Variants in CCDC126 observed in about 807,000 individuals in gnomAD.
CCDC126 encodes the protein coiled-coil domain containing 126, also known as coiled-coil domain-containing protein 126.
CCDC126 carries 5 observed loss-of-function variants against 11.7 expected under a neutral mutation model. The observed-to-expected ratio is 0.43, with a 90% CI of 0.22 to 0.90. The LOEUF (loss-of-function observed/expected upper bound fraction) is 0.90, where lower values mean the gene tolerates loss of function less well. Ranked by LOEUF, CCDC126 falls within the 40% of genes least tolerant of loss-of-function variation. The pLI is 0.27. For synonymous variants in CCDC126, 60 were observed against 61.9 expected (o/e 0.97, Z 0.14); for missense variants, 150 against 163.1 (o/e 0.92, Z 0.44).
chr7:23,623,829 T>A (rs1782968851), intron 3 of CCDC126, among the ~76,000 whole-genome samples: 1 of 152,198 alleles, frequency 6.6e-6, no homozygotes. Context: ...TGACATCACT[T>A]CGTAACCCAT....
rs936479439 is a variant in CCDC126 at position 23,644,321 on chromosome 7, T to G, written c.*1206T>G. 2.6e-5 allele frequency: 4 copies of G among 152,500 alleles called. No homozygotes were observed. The highest frequency in any genetic ancestry group is 5.9e-5 in the Non-Finnish European group (4 of 67,926). 9.4% of individuals were successfully genotyped at this position (152,500 alleles called of 1,614,324 possible). On this transcript the variant is annotated 3_prime_UTR_variant, in exon 4 of 4. Coordinates refer to ENST00000307471, the MANE Select transcript of CCDC126 (RefSeq NM_138771.4). ...AAACAAATTATACTTTTATTTAAAT[T>G]TCCCTTGTAGCAAATCTAATTGCCA... is the stretch of plus-strand genomic sequence containing the variant.
intron 3 of CCDC126, among the ~76,000 whole-genome samples, chr7:23,617,361 A>G (rs1245032944): frequency 1.3e-5 from 2 of 151,258 alleles, no homozygotes; most frequent in Non-Finnish European, 1.5e-5. Flanking sequence ...AAAAAAAAAA[A>G]AAAAAAAAAA....
intron 3 of CCDC126, chr7:23,619,418 G>C (rs1782851812): frequency 2.4e-6 from 1 of 422,416 alleles, no homozygotes. Flanking sequence ...GAAAAGGATA[G>C]ATTAAAACCT....
chr7:23,622,108 G>A (rs1226690715), intron 3 of CCDC126, among the ~76,000 whole-genome samples: 1 of 152,168 alleles, frequency 6.6e-6, no homozygotes, highest in Non-Finnish European at 1.5e-5. Flanking sequence ...AATGAATTAG[G>A]GAGGATTCCC....
chr7:23,612,533 C>T (rs1157751509), intron 3 of CCDC126, among the ~76,000 whole-genome samples: 4 of 143,106 alleles, frequency 2.8e-5, no homozygotes, highest in African/African-American at 7.8e-5. Context: ...ATTAGCCAGG[C>T]ATGGTGATAC....
chr7:23,610,094 A>T (rs1489875895), intron 2 of CCDC126, among the ~76,000 whole-genome samples: 1 of 152,194 alleles, frequency 6.6e-6, no homozygotes, highest in Non-Finnish European at 1.5e-5. Context: ...CTGTGTTTTA[A>T]AAACTTGAAG....
chr7:23,637,143 G>A (rs1783244440), intron 3 of CCDC126, among the ~76,000 whole-genome samples: 3 of 67,408 alleles, frequency 4.5e-5, no homozygotes, highest in Non-Finnish European at 6.0e-5. Context: ...CTGCCCGGCC[G>A]CCCCTACTGG....
intron 2 of CCDC126, among the ~76,000 whole-genome samples, chr7:23,605,209 C>T (rs1258737746): frequency 1.3e-5 from 2 of 152,032 alleles, no homozygotes; most frequent in Non-Finnish European, 2.9e-5. Flanking sequence ...TGTGTTTTCC[C>T]TAGCATGGGT....
intron 3 of CCDC126, among the ~76,000 whole-genome samples, chr7:23,616,073 A>G (rs1663416248): frequency 6.6e-6 from 1 of 152,226 alleles, no homozygotes; most frequent in Non-Finnish European, 1.5e-5. Flanking sequence ...GTATTCCTCT[A>G]TTACATTATG....
At position 23,611,436 on chromosome 7, in the gene CCDC126, A is replaced by G. The variant is rs1782709177; in HGVS notation, c.121A>G (p.Ser41Gly). Residue 41 changes from serine (S) to glycine (G), a missense_variant, in exon 3 of 4, where the codon AGC becomes GGC. Physicochemically the swap from Ser to Gly is moderately conservative, Grantham distance 56 (BLOSUM62 0). Transcript: ENST00000307471. ...HYTFQQPRHQSSVKLREQILD... is the reference protein window; with the variant it reads ...HYTFQQPRHQGSVKLREQILD... ...TACTTTTCAACAACCAAGACATCAA[A>G]GCAGTGTCAAGTTACGTGAGCAAAT... The G allele has an allele frequency of 6.2e-7, 1 of 1,613,958 alleles. No individual in the cohort carries two copies. Among genetic ancestry groups the G allele is most frequent in the East Asian group, 2.2e-5 (1 of 44,836 alleles).
intron 3 of CCDC126, among the ~76,000 whole-genome samples, chr7:23,615,978 C>G (rs1782789045): frequency 6.6e-6 from 1 of 152,158 alleles, no homozygotes; most frequent in African/African-American, 2.4e-5. Context: ...AAAGATGGCA[C>G]CAATAGACTT....
At position 23,628,093 on chromosome 7, in the gene CCDC126, C is replaced by T. The variant is rs112291433; in HGVS notation, c.239-14838C>T. On this transcript the variant is annotated intron_variant, in intron 3 of 3. Coordinates refer to ENST00000307471, the MANE Select transcript of CCDC126 (RefSeq NM_138771.4). ...TGTTATAAGCATTTTCAGAAGCAGG[C>T]TATTGGAGATTATCTTTTATAGTTT... Among the ~76,000 whole-genome samples the T allele has an allele frequency of 1.8e-4, 27 of 152,116 alleles. 2 individuals are homozygous for T. The highest frequency in any genetic ancestry group is 4.6e-4 in the African/African-American group (19 of 41,502).
intron 3 of CCDC126, among the ~76,000 whole-genome samples, chr7:23,628,553 A>G (rs1170268252): frequency 6.6e-6 from 1 of 152,176 alleles, no homozygotes; most frequent in African/African-American, 2.4e-5. Flanking sequence ...GTAAGCCTAG[A>G]CTTTTATCCT....
chr7:23,634,241 T>A (rs1379452272), intron 3 of CCDC126, among the ~76,000 whole-genome samples: 1 of 150,978 alleles, frequency 6.6e-6, no homozygotes, highest in Non-Finnish European at 1.5e-5. Flanking sequence ...AGCCCAGGAG[T>A]TCAAGAGTAG....
chr7:23,631,061 A>T (rs1783102620), intron 3 of CCDC126, among the ~76,000 whole-genome samples: 1 of 152,088 alleles, frequency 6.6e-6, no homozygotes, highest in African/African-American at 2.4e-5. Context: ...AAAGAGGAAA[A>T]GTCTCAAATC....
chr7:23,640,489 CTCTG>C (rs1247225119), intron 3 of CCDC126, among the ~76,000 whole-genome samples: 2 of 152,006 alleles, frequency 1.3e-5, no homozygotes, highest in African/African-American at 4.8e-5. Flanking sequence ...AAGAGTGAAA[CTCTG>C]TCTCAAAAAA....
intron 3 of CCDC126, among the ~76,000 whole-genome samples, chr7:23,635,547 G>A (rs1343928498): frequency 6.6e-6 from 1 of 152,156 alleles, no homozygotes; most frequent in Non-Finnish European, 1.5e-5. Context: ...CAAGAAATAA[G>A]AGTTTTGTTC....
chr7:23,630,006 A>G (rs1266698393), intron 3 of CCDC126, among the ~76,000 whole-genome samples: 5 of 152,244 alleles, frequency 3.3e-5, no homozygotes, highest in Non-Finnish European at 7.3e-5. Context: ...AACCCATGCT[A>G]AGAATTTCAT....
intron 2 of CCDC126, among the ~76,000 whole-genome samples, chr7:23,603,060 C>G (rs539750067): frequency 6.6e-6 from 1 of 152,120 alleles, no homozygotes; most frequent in African/African-American, 2.4e-5. Flanking sequence ...TGAGCCTAGG[C>G]CTTTATGCAC....
Sources: allele counts gnomAD v4.1 joint callset (sites outside exome capture counted in the v4.1 genomes callset), GRCh38; gene constraint gnomAD v4.1.1; transcripts MANE v1.5; gene names NCBI Gene and HGNC (gene_info 2026-07-23, HGNC 2026-07-21).